RDH12: variants seen among roughly 807,000 people sequenced by gnomAD.
The protein encoded by RDH12 is retinol dehydrogenase 12.
Under a neutral mutation model 34.0 loss-of-function variants are expected in RDH12, and 21 were observed. That is an observed-to-expected ratio of 0.62 (90% CI 0.44 to 0.89). The LOEUF is 0.89. RDH12 is among the 40% of genes least tolerant of loss of function. The pLI is 0.00. For synonymous variants in RDH12, 198 were observed against 169.9 expected (o/e 1.17, Z -1.29); for missense variants, 394 against 398.6 (o/e 0.99, Z 0.10).
chr14:67,705,005 T>G (rs965411502), intron 1 of RDH12, among the ~76,000 whole-genome samples: 1 of 152,234 alleles, frequency 6.6e-6, no homozygotes, highest in African/African-American at 2.4e-5. Context: ...GAGGTCACTC[T>G]GAAATCCTGT....
At chr14:67,707,514 C>T (rs898495527) in intron 1 of RDH12, among the ~76,000 whole-genome samples, 2 of 152,156 alleles carry the variant, frequency 1.3e-5, no homozygotes, top group Non-Finnish European at 2.9e-5. Context: ...CTGCAACCTC[C>T]ACCTCCTGGG....
At chr14:67,725,282 G>T in intron 5 of RDH12, 28 bp downstream of exon 5, 1 of 1,611,660 alleles carries the variant, frequency 6.2e-7, no homozygotes, top group Non-Finnish European at 8.5e-7. Context: ...AGGTAGAAAA[G>T]CAGGAAATTG....
intron 1 of RDH12, among the ~76,000 whole-genome samples, chr14:67,703,226 T>A (rs1460354445): frequency 2.6e-5 from 4 of 152,224 alleles, no homozygotes; most frequent in African/African-American, 9.6e-5. Context: ...TTGGGACCTG[T>A]TAGTTCACAT....
At chr14:67,712,685 T>C (rs1288277266) in intron 1 of RDH12, among the ~76,000 whole-genome samples, 2 of 152,152 alleles carry the variant, frequency 1.3e-5, no homozygotes, top group South Asian at 2.1e-4. Flanking sequence ...AAATTGCTGC[T>C]ATTTCAGAAG....
intron 3 of RDH12, 55 bp downstream of exon 3, chr14:67,722,765 C>T (rs2038139736): frequency 7.1e-7 from 1 of 1,410,624 alleles, no homozygotes; most frequent in Admixed American, 1.7e-5. Context: ...GCACTGGAAG[C>T]CGGTTCTCAG....
In RDH12 at chr14:67,724,512, G is replaced by C. The variant is rs950626394; in HGVS notation, c.108G>C (p.Gln36His). The C allele has an allele frequency of 5.6e-6, 9 of 1,612,142 alleles. No individual in the cohort carries two copies. Among genetic ancestry groups the C allele is most frequent in the Middle Eastern group, 1.6e-4 (1 of 6,076 alleles). The change falls in exon 4 of 9, where the codon CAG becomes CAC. Residue 36 changes from glutamine (Q) to histidine (H), a missense_variant. Coordinates refer to ENST00000551171, the MANE Select transcript of RDH12 (RefSeq NM_152443.3). ...FAGGVCRTNV[Q>H]LPGKVVVITG... ...GTGGAGTGTGTAGAACAAATGTGCA[G>C]CTTCCTGGCAAGGTAGTGGTGATCA...
In RDH12 at chr14:67,732,746, G is replaced by GT. The variant is rs1170854046; in HGVS notation, c.849-994dup. ...TGCCCACCACCACACCCGGCTAATT[G>GT]TTTTTTGTATTTTTAGTAGAGGCAG... On this transcript the variant is annotated intron_variant, in intron 8 of 8. Transcript: ENST00000551171. 1.6e-4 allele frequency among the ~76,000 whole-genome samples: 25 copies of GT among 152,044 alleles called. No homozygotes were observed. The East Asian group carries it at 4.8e-3, about 29-fold the overall frequency.
At chr14:67,705,500 C>G (rs905719912) in intron 1 of RDH12, among the ~76,000 whole-genome samples, 1 of 152,218 alleles carries the variant, frequency 6.6e-6, no homozygotes, top group Non-Finnish European at 1.5e-5. Flanking sequence ...ATTTGGAAGA[C>G]TGCCAAACGT....
intron 8 of RDH12, 96 bp downstream of exon 8, chr14:67,729,476 G>C: frequency 8.0e-7 from 1 of 1,251,918 alleles, no homozygotes; most frequent in Non-Finnish European, 1.1e-6. Flanking sequence ...GTTTGTGCCT[G>C]ATGATGCAAT....
At chr14:67,729,997 T>C (rs1005650627) in intron 8 of RDH12, among the ~76,000 whole-genome samples, 2 of 152,218 alleles carry the variant, frequency 1.3e-5, no homozygotes, top group Non-Finnish European at 2.9e-5. Context: ...CAGTGCAGTA[T>C]TTATTCCGTG....
intron 1 of RDH12, among the ~76,000 whole-genome samples, chr14:67,709,941 A>G (rs1401538496): frequency 6.6e-6 from 1 of 152,206 alleles, no homozygotes; most frequent in Admixed American, 6.5e-5. Context: ...TCCTCTGCTC[A>G]CTGAGATAGA....
chr14:67,717,122 T>C (rs2038077497), intron 1 of RDH12, among the ~76,000 whole-genome samples: 1 of 152,154 alleles, frequency 6.6e-6, no homozygotes, highest in African/African-American at 2.4e-5. Context: ...TTAACTAGAG[T>C]TCAATATTTA....
intron 3 of RDH12, 74 bp from the exon 4 acceptor site, chr14:67,724,399 T>TGG (rs1479143129): frequency 1.1e-5 from 11 of 991,934 alleles, no homozygotes; most frequent in Non-Finnish European, 1.7e-5. Flanking sequence ...AGAGTTTTTT[T>TGG]TTTTTTTTTT....
At chr14:67,712,147 T>C (rs1326427436) in intron 1 of RDH12, among the ~76,000 whole-genome samples, 1 of 151,236 alleles carries the variant, frequency 6.6e-6, no homozygotes, top group Non-Finnish European at 1.5e-5. Flanking sequence ...CTTGAACTCC[T>C]GACCTCACGT....
intron 1 of RDH12, among the ~76,000 whole-genome samples, chr14:67,713,815 G>T (rs1263079897): frequency 6.6e-6 from 1 of 152,186 alleles, no homozygotes. Flanking sequence ...TATGTAAAAT[G>T]AACATCGGTT....
At chr14:67,731,145 C>T (rs914014878) in intron 8 of RDH12, among the ~76,000 whole-genome samples, 2 of 150,200 alleles carry the variant, frequency 1.3e-5, no homozygotes, top group African/African-American at 4.9e-5. Flanking sequence ...AATGTAGCTG[C>T]TAGAAAATTC....
chr14:67,710,665 C>T (rs1323946581), intron 1 of RDH12, among the ~76,000 whole-genome samples: 2 of 151,776 alleles, frequency 1.3e-5, no homozygotes, highest in African/African-American at 4.8e-5. Flanking sequence ...TTGTTTTATA[C>T]ATGATCTTTA....
In RDH12 at chr14:67,721,744, T is replaced by TATATATATATATATGTATAAC. The variant is rs1055652664; in HGVS notation, c.-219-666_-219-665insGTATAACATATATATATATAT. Reference sequence around the variant, plus strand: ...AACACTTAGAACAAGTGGGGATATATATATATATATATATATATATGTATA... The same window carrying TATATATATATATATGTATAAC: ...AACACTTAGAACAAGTGGGGATATATATATATATATATATGTATAACATATATATATATATATATATGTATA... On this transcript the variant is annotated intron_variant, in intron 2 of 8. Coordinates refer to ENST00000551171, the MANE Select transcript of RDH12 (RefSeq NM_152443.3). Among the ~76,000 whole-genome samples the TATATATATATATATGTATAAC allele has an allele frequency of 7.4e-3, 6 of 812 alleles. No homozygotes were observed. In the Admixed American group the frequency reaches 0.12, roughly 16 times the overall value. 0.5% of individuals were successfully genotyped at this position (812 alleles called of 152,430 possible).
chr14:67,716,307 G>A (rs2038069593), intron 1 of RDH12, among the ~76,000 whole-genome samples: 1 of 152,034 alleles, frequency 6.6e-6, no homozygotes, highest in Non-Finnish European at 1.5e-5. Flanking sequence ...CAAGAGAAGT[G>A]AATGATTGAT....
Sources: gnomAD v4.1 joint callset for allele counts (sites outside exome capture counted in the v4.1 genomes callset) on GRCh38, gnomAD v4.1.1 for gene constraint, MANE v1.5 for transcripts, NCBI Gene and HGNC (gene_info 2026-07-23, HGNC 2026-07-21) for gene names.